Variants in DNAH9 observed in about 807,000 individuals in gnomAD.
DNAH9 encodes the protein DNAH9 variant protein.
In DNAH9, 345 loss-of-function variants were observed where a neutral mutation model predicts 471.6. The observed-to-expected ratio is 0.73, with a 90% CI of 0.67 to 0.80. The LOEUF (loss-of-function observed/expected upper bound fraction) is 0.80, where lower values mean the gene tolerates loss of function less well. DNAH9 is among the 30% of genes least tolerant of loss of function. DNAH9 has a pLI of 0.00. For missense variants in DNAH9, 5,407 were observed against 5,609.2 expected (o/e 0.96, Z 1.15); for synonymous variants, 2,093 against 2,123.6 (o/e 0.99, Z 0.40).
chr17:11,882,992 G>A (rs1202854536), intron 55 of DNAH9: 7 of 985,398 alleles, frequency 7.1e-6, no homozygotes, highest in Non-Finnish European at 8.4e-6. Context: ...GGCTGTACAA[G>A]GGCAAAGACA....
chr17:11,628,818 T>C (rs761537269), intron 6 of DNAH9, among the ~76,000 whole-genome samples: 21 of 152,358 alleles, frequency 1.4e-4, no homozygotes, highest in Non-Finnish European at 2.4e-4. Context: ...TATTATTTGT[T>C]AAAGACCACA....
chr17:11,655,309 T>G lies in DNAH9; in HGVS notation c.2595+2307T>G, dbSNP rs2073616991. Among the ~76,000 whole-genome samples, 3 of 151,726 alleles carry G rather than the reference T, an allele frequency of 2.0e-5. No homozygotes were observed. In the South Asian group the frequency reaches 6.2e-4, roughly 32 times the overall value. On this transcript the variant is annotated intron_variant, in intron 14 of 68. Coordinates refer to ENST00000262442, the MANE Select transcript of DNAH9 (RefSeq NM_001372.4). ...CCAAGTCCATCCAGGTTGCTGCAAA[T>G]GCCATTATTTCATTCCTTTTCATGG...
At chr17:11,866,624 T>C (rs1436391213) in intron 50 of DNAH9, among the ~76,000 whole-genome samples, 2 of 152,182 alleles carry the variant, frequency 1.3e-5, no homozygotes, top group African/African-American at 4.8e-5. Flanking sequence ...CCCCCAGAGG[T>C]GGAGCCTACA....
At chr17:11,868,158 T>C (rs551719738) in intron 50 of DNAH9, among the ~76,000 whole-genome samples, 43 of 152,332 alleles carry the variant, frequency 2.8e-4, no homozygotes, top group African/African-American at 9.6e-4. Context: ...TATGACTATT[T>C]TAATTGCTTC....
rs553749057 is a variant in DNAH9 at position 11,871,520 on chromosome 17, G to T, written c.10054-78G>T. On this transcript the variant is annotated intron_variant, in intron 51 of 68. Coordinates refer to ENST00000262442, the MANE Select transcript of DNAH9 (RefSeq NM_001372.4). ...TCCCGCTATGAAGCGTGCAGCGGGC[G>T]CTCTCCATGATGGAATCACGGCTCT... is the stretch of plus-strand genomic sequence containing the variant. The T allele has an allele frequency of 2.4e-4, 322 of 1,317,962 alleles. 3 individuals are homozygous for T. The South Asian group carries it at 3.8e-3, about 16-fold the overall frequency. 81.6% of individuals were successfully genotyped at this position (1,317,962 alleles called of 1,614,324 possible).
intron 67 of DNAH9, among the ~76,000 whole-genome samples, chr17:11,946,005 C>A (rs376641416): frequency 2.0e-5 from 3 of 151,840 alleles, no homozygotes; most frequent in Non-Finnish European, 2.9e-5. Flanking sequence ...TGGAGACAAG[C>A]CTGGCCAACA....
intron 1 of DNAH9, among the ~76,000 whole-genome samples, chr17:11,605,393 T>A (rs561058098): frequency 6.6e-6 from 1 of 152,280 alleles, no homozygotes; most frequent in Non-Finnish European, 1.5e-5. Flanking sequence ...CACGGGTGTA[T>A]CCTCCTAGCA....
rs1305713579 is a variant in DNAH9, at chr17:11,704,205, G to A, written c.5154G>A (p.Val1718=). ...CTAGGCAACTCTTGCTGCCACAGGT[G>A]GCCCTGACCTGTACTCAGATCTGGT... ...EQWLFDHPAQ[V]ALTCTQIWWT... Residue 1718 remains valine, a splice_region_variant and synonymous_variant, in exon 25 of 69, where the codon GTG becomes GTA. Transcript: ENST00000262442. The A allele has an allele frequency of 3.1e-6, 5 of 1,613,940 alleles. No homozygotes were observed. The highest frequency in any genetic ancestry group is 4.2e-6 in the Non-Finnish European group (5 of 1,179,994).
intron 67 of DNAH9, among the ~76,000 whole-genome samples, chr17:11,942,957 G>A (rs954814597): frequency 2.0e-5 from 3 of 146,982 alleles, no homozygotes; most frequent in East Asian, 4.0e-4. Context: ...GTGCAGTGGT[G>A]TGATCTCGGC....
At chr17:11,889,096 A>T (rs1567878167) in intron 57 of DNAH9, among the ~76,000 whole-genome samples, 1 of 152,230 alleles carries the variant, frequency 6.6e-6, no homozygotes, top group Non-Finnish European at 1.5e-5. Flanking sequence ...GCAAAGGTTA[A>T]TAAGACACAT....
chr17:11,881,522 C>T (rs1394842227), intron 55 of DNAH9, 109 bp downstream of exon 55: 11 of 1,095,244 alleles, frequency 1.0e-5, no homozygotes, highest in Middle Eastern at 3.0e-4. Context: ...TAGGTGGGTT[C>T]TGCTAGACTC....
At chr17:11,603,148 A>G (rs767930254) in intron 1 of DNAH9, among the ~76,000 whole-genome samples, 12 of 152,240 alleles carry the variant, frequency 7.9e-5, no homozygotes, top group Admixed American at 2.0e-4. Context: ...AAAAGAGACC[A>G]GGGAAAAACC....
intron 6 of DNAH9, among the ~76,000 whole-genome samples, chr17:11,621,524 T>C (rs1331400559): frequency 6.6e-6 from 1 of 151,536 alleles, no homozygotes; most frequent in Non-Finnish European, 1.5e-5. Flanking sequence ...GAGGAAGCCA[T>C]GATGAACAGA....
At chr17:11,723,620 G>A (rs1379203628) in intron 27 of DNAH9, 1 of 152,128 alleles carries the variant, frequency 6.6e-6, no homozygotes, top group Non-Finnish European at 1.5e-5. Context: ...TTTATAAAAA[G>A]GGTCTGCAGT....
At chr17:11,833,366 T>C (rs1424776381) in intron 48 of DNAH9, among the ~76,000 whole-genome samples, 1 of 152,230 alleles carries the variant, frequency 6.6e-6, no homozygotes, top group African/African-American at 2.4e-5. Context: ...GGCTATTTAT[T>C]CAGAGCTTGC....
At chr17:11,659,719 T>A (rs2073720593) in intron 14 of DNAH9, among the ~76,000 whole-genome samples, 1 of 152,222 alleles carries the variant, frequency 6.6e-6, no homozygotes, top group African/African-American at 2.4e-5. Context: ...TACCCCTACA[T>A]CAGCACGTCC....
chr17:11,637,934 A>T (rs1407228993), intron 9 of DNAH9, among the ~76,000 whole-genome samples: 1 of 152,106 alleles, frequency 6.6e-6, no homozygotes, highest in Non-Finnish European at 1.5e-5. Context: ...AAGTTGGGAG[A>T]TCAACAGTAA....
chr17:11,956,137 A>G (rs1009468295), intron 67 of DNAH9, among the ~76,000 whole-genome samples: 7 of 152,346 alleles, frequency 4.6e-5, no homozygotes, highest in African/African-American at 1.7e-4. Flanking sequence ...CACAGGTTAG[A>G]AGAAAAAGAT....
chr17:11,831,922 C>G (rs1970698814), intron 48 of DNAH9, among the ~76,000 whole-genome samples: 1 of 152,182 alleles, frequency 6.6e-6, no homozygotes, highest in South Asian at 2.1e-4. Flanking sequence ...TGTCACCCCA[C>G]TCAGTCAGCA....
Sources: gnomAD v4.1 joint callset for allele counts (sites outside exome capture counted in the v4.1 genomes callset) on GRCh38, gnomAD v4.1.1 for gene constraint, MANE v1.5 for transcripts, NCBI Gene and HGNC (gene_info 2026-07-23, HGNC 2026-07-21) for gene names.